SUN2: variants seen among roughly 807,000 people sequenced by gnomAD.
The protein encoded by SUN2 is Sad1 and UNC84 domain containing 2.
SUN2 carries 60 observed loss-of-function variants against 100.0 expected under a neutral mutation model. That is an observed-to-expected ratio of 0.60 (90% confidence interval 0.49 to 0.74). The LOEUF (loss-of-function observed/expected upper bound fraction) is 0.74. Among genes scored for constraint, SUN2 ranks in the 30% least tolerant of loss-of-function variants. The pLI, the probability that SUN2 is intolerant of heterozygous loss-of-function variation, is 0.00. For missense variants in SUN2, 834 were observed against 954.6 expected, an observed-to-expected ratio of 0.87 and a Z score of 1.66; for synonymous variants, 367 against 403.3, an observed-to-expected ratio of 0.91 and a Z score of 1.08.
chr22:38,739,657 C>T lies in SUN2; in HGVS notation c.1578+65G>A. ...CTGCCAGGGAGCTGGCAGTGTGGGA[C>T]TGTCCAGGGCTCCCAGGGAGGAGAG... On this transcript the variant is annotated intron_variant, in intron 13 of 17. Transcript: ENST00000689035. The surrounding 1 kb of genome is among the most constrained non-coding windows in gnomAD (Gnocchi z 6.7). The T allele has an allele frequency of 6.4e-7, 1 of 1,556,316 alleles. No homozygotes were observed.
intron 1 of SUN2, 93 bp from the exon 2 acceptor site, chr22:38,752,758 C>T: frequency 7.1e-7 from 1 of 1,401,608 alleles, no homozygotes; most frequent in Non-Finnish European, 9.5e-7. Context: ...CGCCTCACAG[C>T]CGAGAACAGA....
At chr22:38,744,217 G>T (rs1011200622) in intron 8 of SUN2, among the ~76,000 whole-genome samples, 4 of 149,086 alleles carry the variant, frequency 2.7e-5, no homozygotes, top group African/African-American at 1.0e-4. Context: ...TCCAGCCTGG[G>T]TGACGCAGCA....
intron 2 of SUN2, 37 bp from the exon 3 acceptor site, chr22:38,751,410 G>A (rs754367627): frequency 1.9e-6 from 3 of 1,608,394 alleles, no homozygotes; most frequent in Non-Finnish European, 2.5e-6. Context: ...TAGGGAGCAG[G>A]GAGGTGAGCC....
rs375519257 is a variant in SUN2, at chr22:38,752,655, C to T, written c.-27G>A. 4 of 1,611,554 alleles carry T rather than the reference C, an allele frequency of 2.5e-6. No homozygotes were observed. The highest frequency in any genetic ancestry group is 3.4e-6 in the Non-Finnish European group (4 of 1,179,298). On this transcript the variant is annotated 5_prime_UTR_variant, in exon 2 of 18. Coordinates refer to ENST00000689035, the MANE Select transcript of SUN2 (RefSeq NM_015374.3). ...ATGAGGTGGGATGTGGACTCTTCCC[C>T]TGAAGAGAATCTAAGGAGAGAGAGG... is the stretch of plus-strand genomic sequence containing the variant.
chr22:38,745,722 C>T lies in SUN2; in HGVS notation c.775G>A (p.Glu259Lys), dbSNP rs201135397. The T allele has an allele frequency of 1.2e-6, 2 of 1,614,040 alleles. No individual in the cohort carries two copies. Among genetic ancestry groups the T allele is most frequent in the Non-Finnish European group, 1.7e-6 (2 of 1,180,034 alleles). Residue 259 changes from glutamate (E) to lysine (K), a missense_variant, in exon 8 of 18, where the codon GAG (glutamate) becomes AAG (lysine). By Grantham distance (56) the Glu-to-Lys change is moderately conservative (BLOSUM62 1). Transcript: ENST00000689035. The stretch of plus-strand genomic sequence containing the variant: ...GATGAGTCTCTGGCTTCCCAGCCCT[C>T]ATCCGGCCTCCTGCTGTCCTTCGCT... ...WAAKDSRRPD[E>K]GWEARDSSPH...
chr22:38,754,616 C>T, intron 1 of SUN2: 5 of 578,130 alleles, frequency 8.6e-6, no homozygotes, highest in Non-Finnish European at 1.4e-5. Flanking sequence ...CCTCCCCCCT[C>T]CCTGCCCCGC....
In SUN2 at chr22:38,752,654, C is replaced by T. The variant is rs775583434; in HGVS notation, c.-26G>A. On this transcript the variant is annotated 5_prime_UTR_variant, in exon 2 of 18. Coordinates refer to ENST00000689035, the MANE Select transcript of SUN2 (RefSeq NM_015374.3). Reference sequence around the variant, plus strand: ...GATGAGGTGGGATGTGGACTCTTCCCCTGAAGAGAATCTAAGGAGAGAGAG... The same window carrying T: ...GATGAGGTGGGATGTGGACTCTTCCTCTGAAGAGAATCTAAGGAGAGAGAG... 4 of 1,611,572 alleles carry T rather than the reference C, an allele frequency of 2.5e-6. No individual in the cohort carries two copies. The highest frequency in any genetic ancestry group is 1.3e-5 in the African/African-American group (1 of 74,908).
intron 5 of SUN2, 120 bp downstream of exon 5, chr22:38,750,105 T>G: frequency 6.9e-7 from 1 of 1,443,596 alleles, no homozygotes; most frequent in Non-Finnish European, 9.3e-7. Context: ...TATTCTAGAA[T>G]GACCTTTCCC....
rs1200784798 is a variant in SUN2 at position 38,739,472 on chromosome 22, G to A, written c.1579-46C>T. 6.3e-7 allele frequency: 1 copy of A among 1,598,230 alleles called. No homozygotes were observed. Among genetic ancestry groups the A allele is most frequent in the Non-Finnish European group, 8.6e-7 (1 of 1,167,904 alleles). On this transcript the variant is annotated intron_variant, in intron 13 of 17. Transcript: ENST00000689035. This position sits in a 1 kb window ranked among gnomAD's most constrained non-coding sequence, Gnocchi z 6.7. ...GACGGTTGCAGCAGGGAGCAGACGTGTCCCCCTGTCACCTCGTGGCCGTGG... is the reference window on the plus strand; with the variant it reads ...GACGGTTGCAGCAGGGAGCAGACGTATCCCCCTGTCACCTCGTGGCCGTGG...
intron 8 of SUN2, among the ~76,000 whole-genome samples, chr22:38,745,296 G>A (rs1361550157): frequency 2.6e-5 from 4 of 152,034 alleles, no homozygotes; most frequent in South Asian, 4.2e-4. Flanking sequence ...AGGCAAGTAC[G>A]AGCCCAGCCA....
At chr22:38,744,223 C>T (rs911356033) in intron 8 of SUN2, among the ~76,000 whole-genome samples, 1 of 133,076 alleles carries the variant, frequency 7.5e-6, no homozygotes, top group African/African-American at 2.9e-5. Context: ...CTGGGTGACG[C>T]AGCATTCCAG....
intron 8 of SUN2, chr22:38,743,162 A>G (rs2092874344): frequency 6.6e-6 from 1 of 152,284 alleles, no homozygotes; most frequent in East Asian, 1.9e-4. Flanking sequence ...TTGTTGGCTT[A>G]ACAACAAAAT....
rs575056328 is a variant in SUN2 at position 38,753,950 on chromosome 22, C to T, written c.-37-1285G>A. Among the ~76,000 whole-genome samples the T allele has an allele frequency of 5.9e-5, 9 of 152,256 alleles. No homozygotes were observed. In the South Asian group the frequency reaches 1.5e-3, roughly 25 times the overall value. On this transcript the variant is annotated intron_variant, in intron 1 of 17. Coordinates refer to ENST00000689035, the MANE Select transcript of SUN2 (RefSeq NM_015374.3). ...TCAGCTAGAATCTTTTTTAGCCTCACACATGCGCAAAACAAGGCTGTATAC... is the reference window on the plus strand; with the variant it reads ...TCAGCTAGAATCTTTTTTAGCCTCATACATGCGCAAAACAAGGCTGTATAC...
rs2092955239 is a variant in SUN2 at position 38,752,617 on chromosome 22, T to G, written c.12A>C (p.Arg4Ser). 10 of 1,613,802 alleles carry G rather than the reference T, an allele frequency of 6.2e-6. No homozygotes were observed. In the East Asian group the frequency reaches 2.2e-4, roughly 36 times the overall value. MSR[R>S]SQRLTRYSQG... Reference sequence around the variant, plus strand: ...GGGAGTAGCGCGTGAGGCGCTGGCTTCTTCGGGACATGATGAGGTGGGATG... The same window carrying G: ...GGGAGTAGCGCGTGAGGCGCTGGCTGCTTCGGGACATGATGAGGTGGGATG... The change falls in exon 2 of 18, where the codon AGA (arginine) becomes AGC (serine). Residue 4 changes from arginine (R) to serine (S), a missense_variant. Physicochemically the swap from Arg to Ser is moderately radical, Grantham distance 110 (BLOSUM62 -1). Around this residue, in one of 3 missense-constraint regions of SUN2, gnomAD observed 559 missense variants for 597.7 expected, o/e 0.94. Transcript: ENST00000689035.
Position 38,752,538 on chromosome 22 carries a change from G to A in SUN2, c.91C>T (p.Gln31Ter). The A allele has an allele frequency of 6.2e-7, 1 of 1,613,888 alleles. No homozygotes were observed. The highest frequency in any genetic ancestry group is 1.1e-5 in the South Asian group (1 of 91,066). ...SSGGSSVAGS[Q>*]STLFKDSPLR... is the part of the protein sequence containing the mutation. Reference sequence around the variant, plus strand: ...GGACTGTCTTTAAACAGGGTGCTCTGACTCCCAGCCACCGAGCTCCCTCCG... The same window carrying A: ...GGACTGTCTTTAAACAGGGTGCTCTAACTCCCAGCCACCGAGCTCCCTCCG... The change falls in exon 2 of 18, where the codon CAG becomes TAG. Residue 31 changes from glutamine (Q) to a stop codon, truncating the protein, a stop_gained. Transcript: ENST00000689035. LOFTEE classifies it high-confidence loss of function.
At chr22:38,744,134 G>T (rs1054902023) in intron 8 of SUN2, among the ~76,000 whole-genome samples, 1 of 151,664 alleles carries the variant, frequency 6.6e-6, no homozygotes, top group Non-Finnish European at 1.5e-5. Context: ...CAGCTACTCG[G>T]GACGCTGAGG....
intron 1 of SUN2, chr22:38,754,786 A>C: frequency 7.8e-7 from 1 of 1,286,046 alleles, no homozygotes; most frequent in Non-Finnish European, 1.0e-6. Flanking sequence ...ATTCTGATGG[A>C]GGTTGAGCGG....
intron 8 of SUN2, 115 bp from the exon 9 acceptor site, chr22:38,742,670 C>T (rs2092869711): frequency 1.8e-5 from 25 of 1,383,684 alleles, no homozygotes; most frequent in South Asian, 1.6e-4. Context: ...CAGAGACGTT[C>T]CAGCATAAGG....
chr22:38,743,967 G>C (rs1193083310), intron 8 of SUN2: 1 of 152,044 alleles, frequency 6.6e-6, no homozygotes, highest in African/African-American at 2.4e-5. Flanking sequence ...TGCCGGCTGG[G>C]CGTGGTGGCT....
Sources: gnomAD v4.1 joint callset for allele counts (sites outside exome capture counted in the v4.1 genomes callset) on GRCh38, gnomAD v4.1.1 for gene constraint, gnomAD v4.1.1 regional missense constraint, Gnocchi (gnomAD v3.1) non-coding constraint, MANE v1.5 for transcripts, NCBI Gene and HGNC (gene_info 2026-07-23, HGNC 2026-07-21) for gene names.